TAF6: variants seen among roughly 807,000 people sequenced by gnomAD.
TAF6 encodes TATA-box binding protein associated factor 6.
A neutral mutation model predicts 73.5 loss-of-function variants in TAF6; 50 were observed. The observed-to-expected ratio is 0.68, with a 90% CI of 0.54 to 0.86. The LOEUF (loss-of-function observed/expected upper bound fraction) is 0.86, where lower values mean the gene tolerates loss of function less well. Ranked by LOEUF, TAF6 falls within the 40% of genes least tolerant of loss-of-function variation. TAF6 has a pLI of 0.00. For missense variants in TAF6, 768 were observed against 899.5 expected (o/e 0.85, Z 1.87); for synonymous variants, 424 against 376.7 (o/e 1.13, Z -1.45).
the TAF6 span, chr7:100,127,082 T>G: frequency 2.8e-6 from 1 of 362,710 alleles, no homozygotes; most frequent in Non-Finnish European, 5.1e-6. The surrounding 1 kb of genome is among the most constrained non-coding windows in gnomAD (Gnocchi z 4.6). Context: ...GCGGCTAGGA[T>G]TCGATGGAGG....
upstream of TAF6, chr7:100,122,052 A>G: frequency 5.3e-5 from 24 of 452,852 alleles, no homozygotes; most frequent in South Asian, 7.1e-5. Context: ...TCCGTCTGAA[A>G]AAAAAAAAAA....
chr7:100,127,079 GGATTC>G, the TAF6 span: 1 of 365,304 alleles, frequency 2.7e-6, no homozygotes, highest in Non-Finnish European at 5.0e-6. This position sits in a 1 kb window ranked among gnomAD's most constrained non-coding sequence, Gnocchi z 4.6. Context: ...AGCGCGGCTA[GGATTC>G]GATGGAGGGA....
At chr7:100,114,907 CAG>C (rs1020270828) in intron 1 of TAF6, among the ~76,000 whole-genome samples, 18 of 152,222 alleles carry the variant, frequency 1.2e-4, no homozygotes, top group Admixed American at 1.0e-3. Flanking sequence ...TCTAGCTACT[CAG>C]GAGGCAGAGG....
chr7:100,122,237 G>T, upstream of TAF6: 2 of 1,613,304 alleles, frequency 1.2e-6, no homozygotes, highest in South Asian at 2.2e-5. Context: ...ACCTCCCCCC[G>T]GACGTTTCTC....
chr7:100,119,745 A>G (rs746525774), upstream of TAF6: 15 of 1,614,080 alleles, frequency 9.3e-6, no homozygotes, highest in African/African-American at 1.7e-4. Flanking sequence ...GCGCTTTGTC[A>G]TGGGACCTGT....
chr7:100,125,246 G>C, the TAF6 span: 1 of 222,374 alleles, frequency 4.5e-6, no homozygotes, highest in Non-Finnish European at 9.0e-6. Context: ...AGCTCCTTAA[G>C]GTCTGTTTTT....
intron 14 of TAF6, 43 bp from the exon 15 acceptor site, chr7:100,107,666 C>A: frequency 6.3e-7 from 1 of 1,595,852 alleles, no homozygotes; most frequent in Admixed American, 1.8e-5. Context: ...TGTGCCCTCC[C>A]TGCCCCCCAG....
At chr7:100,110,897 G>A (rs1030638830) in intron 10 of TAF6, among the ~76,000 whole-genome samples, 7 of 150,440 alleles carry the variant, frequency 4.7e-5, no homozygotes, top group Admixed American at 2.7e-4. Flanking sequence ...GAGAAGAATC[G>A]CTTGAACCCA....
chr7:100,108,729 T>C, intron 12 of TAF6, 189 bp from the exon 13 acceptor site: 1 of 549,380 alleles, frequency 1.8e-6, no homozygotes, highest in Non-Finnish European at 3.1e-6. Flanking sequence ...CACTGTGGGC[T>C]TTCTCATAAG....
intron 12 of TAF6, 63 bp downstream of exon 12, chr7:100,109,885 A>G: frequency 6.3e-7 from 1 of 1,596,452 alleles, no homozygotes; most frequent in Non-Finnish European, 8.5e-7. Flanking sequence ...AAAATATGCC[A>G]TATGCTTGCT....
At chr7:100,126,487 G>A in the TAF6 span, among the ~76,000 whole-genome samples, 4 of 151,800 alleles carry the variant, frequency 2.6e-5, no homozygotes, top group African/African-American at 7.3e-5. Context: ...TGGGCGACAG[G>A]GCGAGACTGT....
upstream of TAF6, chr7:100,120,086 C>G (rs1010905465): frequency 2.2e-5 from 10 of 445,466 alleles, no homozygotes; most frequent in Non-Finnish European, 4.0e-5. Flanking sequence ...GGCTTGGAAC[C>G]CCCCGCCCGC....
At chr7:100,126,482 G>A in the TAF6 span, among the ~76,000 whole-genome samples, 1 of 151,942 alleles carries the variant, frequency 6.6e-6, no homozygotes, top group Non-Finnish European at 1.5e-5. Context: ...TAGCCTGGGC[G>A]ACAGGGCGAG....
rs1797242420 is a variant in TAF6, at chr7:100,112,166, T to C, written c.662A>G (p.Gln221Arg). 1 of 1,614,020 alleles carries C rather than the reference T, an allele frequency of 6.2e-7. No individual in the cohort carries two copies. Among genetic ancestry groups the C allele is most frequent in the African/African-American group, 1.3e-5 (1 of 74,938 alleles). The change falls in exon 7 of 15, where the codon CAG becomes CGG. Residue 221 changes from glutamine to arginine, a missense_variant. Coordinates refer to ENST00000453269, the MANE Select transcript of TAF6 (RefSeq NM_139315.3). ...CTCGGTGATCTCCTTGTAGTAGAGCTGCTGCTCCACAGACAACTCGTGGAT... is the reference window on the plus strand; with the variant it reads ...CTCGGTGATCTCCTTGTAGTAGAGCCGCTGCTCCACAGACAACTCGTGGAT... ...RSIHELSVEQQLYYKEITEAC... is the reference protein window; with the variant it reads ...RSIHELSVEQRLYYKEITEAC...
chr7:100,119,988 A>G, upstream of TAF6: 1 of 808,542 alleles, frequency 1.2e-6, no homozygotes, highest in Non-Finnish European at 1.8e-6. Flanking sequence ...GTTCTGGTGG[A>G]GCTTGGCTGA....
Position 100,107,427 on chromosome 7 carries a change from T to C in TAF6, c.1853A>G (p.Lys618Arg), listed in dbSNP as rs1029753247. 1 of 1,610,154 alleles carries C rather than the reference T, an allele frequency of 6.2e-7. No homozygotes were observed. Among genetic ancestry groups the C allele is most frequent in the Non-Finnish European group, 8.5e-7 (1 of 1,177,324 alleles). The change falls in exon 15 of 15, where the codon AAA (lysine) becomes AGA (arginine). Residue 618 changes from lysine (K) to arginine (R), a missense_variant. Lys to Arg is a conservative substitution (Grantham distance 26, BLOSUM62 2). Around this residue, in one of 5 missense-constraint regions of TAF6, gnomAD observed 350 missense variants for 352.3 expected, o/e 0.99. Transcript: ENST00000453269. ...AGAAGGATGGGAGGTGGGGCCTCCT[T>C]TGCCCTCCCCTGTTGGGGGAAGTGA... ...VVSLPPTGEG[K>R]GGPTSHPSPV...
chr7:100,122,372 CCTTA>C, upstream of TAF6: 1 of 1,614,136 alleles, frequency 6.2e-7, no homozygotes, highest in Non-Finnish European at 8.5e-7. Flanking sequence ...GAGACACGTG[CCTTA>C]CAGCGTTTCG....
rs1584550757 is a variant in TAF6 at position 100,111,840 on chromosome 7, G to A, written c.799-11C>T. 3 of 1,614,182 alleles carry A rather than the reference G, an allele frequency of 1.9e-6. No homozygotes were observed. Among genetic ancestry groups the A allele is most frequent in the South Asian group, 1.1e-5 (1 of 91,086 alleles). On this transcript the variant is annotated splice_polypyrimidine_tract_variant and intron_variant, in intron 8 of 14. Coordinates refer to ENST00000453269, the MANE Select transcript of TAF6 (RefSeq NM_139315.3). ...CACGTTCACACGGACCTGTGGGAGGGAGAAGTGCTGGGCATGGGGCAGGGA... is the reference window on the plus strand; with the variant it reads ...CACGTTCACACGGACCTGTGGGAGGAAGAAGTGCTGGGCATGGGGCAGGGA...
Position 100,108,403 on chromosome 7 carries a change from A to G in TAF6, c.1422T>C (p.Ala474=), listed in dbSNP as rs1291563484. The G allele has an allele frequency of 8.7e-6, 14 of 1,612,548 alleles. No individual in the cohort carries two copies. The highest frequency in any genetic ancestry group is 1.2e-5 in the Non-Finnish European group (14 of 1,178,858). ...TCAGAGTGGTCCTGTTGACCTGCTG[A>G]GCCTGCAGAGCAGCCTGGGCCCGAG... ...VKARAQAALQ[A]QQVNRTTLTI... The change falls in exon 13 of 15, where the codon GCT becomes GCC. Residue 474 remains alanine (A), a synonymous_variant. Coordinates refer to ENST00000453269, the MANE Select transcript of TAF6 (RefSeq NM_139315.3).
Sources: gnomAD v4.1 joint callset for allele counts (sites outside exome capture counted in the v4.1 genomes callset) on GRCh38, gnomAD v4.1.1 for gene constraint, gnomAD v4.1.1 regional missense constraint, Gnocchi (gnomAD v3.1) non-coding constraint, MANE v1.5 for transcripts, NCBI Gene and HGNC (gene_info 2026-07-23, HGNC 2026-07-21) for gene names.